SLC16A7: variants seen among roughly 807,000 people sequenced by gnomAD.
SLC16A7 encodes the protein solute carrier family 16 member 7.
In SLC16A7, 33 loss-of-function variants were observed where a neutral mutation model predicts 34.9. That is an observed-to-expected ratio of 0.94 (90% CI 0.72 to 1.26). The LOEUF is 1.26. SLC16A7 is among the 50% of genes most tolerant of loss of function. The pLI is 0.00. For missense variants in SLC16A7, 573 were observed against 578.1 expected, an observed-to-expected ratio of 0.99 and a Z score of 0.09; for synonymous variants, 201 against 206.6, an observed-to-expected ratio of 0.97 and a Z score of 0.23.
chr12:59,640,652 T>G (rs1181777514), intron 1 of SLC16A7, among the ~76,000 whole-genome samples: 3 of 152,112 alleles, frequency 2.0e-5, no homozygotes, highest in Non-Finnish European at 1.5e-5. Flanking sequence ...AGGATTTTTT[T>G]TCAATGATTT....
At chr12:59,657,168 G>A (rs1202523343) in intron 2 of SLC16A7, among the ~76,000 whole-genome samples, 1 of 151,910 alleles carries the variant, frequency 6.6e-6, no homozygotes. Context: ...AGATAGGAAA[G>A]TATCCAAAAC....
At chr12:59,668,757 G>T (rs530478848) in intron 2 of SLC16A7, among the ~76,000 whole-genome samples, 1 of 152,306 alleles carries the variant, frequency 6.6e-6, no homozygotes, top group Non-Finnish European at 1.5e-5. Context: ...GGAGTGAAAT[G>T]ATATAGTTAG....
chr12:59,748,156 G>A (rs900182809), intron 3 of SLC16A7, among the ~76,000 whole-genome samples: 6 of 152,254 alleles, frequency 3.9e-5, no homozygotes, highest in South Asian at 2.1e-4. Context: ...GTGGAGAGGC[G>A]TGGGTCAAAG....
intron 2 of SLC16A7, chr12:59,664,761 T>A (rs945722583): frequency 3.9e-5 from 6 of 152,114 alleles, no homozygotes; most frequent in African/African-American, 1.4e-4. Flanking sequence ...TCAAAGCAGG[T>A]TCTTGAAAAA....
intron 3 of SLC16A7, among the ~76,000 whole-genome samples, chr12:59,759,515 G>A (rs34659184): frequency 0.067 from 10,149 of 151,966 alleles, 484 homozygotes; most frequent in South Asian, 0.17. Flanking sequence ...TTAGAATACA[G>A]TTTTTTATTT....
chr12:59,679,440 C>G (rs1870575111), intron 2 of SLC16A7, among the ~76,000 whole-genome samples: 1 of 152,300 alleles, frequency 6.6e-6, no homozygotes, highest in South Asian at 2.1e-4. Flanking sequence ...CCAATTTCAC[C>G]CTACCTGAAC....
At chr12:59,655,319 T>C (rs1339271697) in intron 2 of SLC16A7, 69 bp downstream of exon 2, 2 of 151,884 alleles carry the variant, frequency 1.3e-5, no homozygotes, top group Non-Finnish European at 2.9e-5. Context: ...GTTTATGCAA[T>C]TGGTAAATCT....
At chr12:59,635,220 G>C (rs1170875906) in intron 1 of SLC16A7, among the ~76,000 whole-genome samples, 1 of 151,928 alleles carries the variant, frequency 6.6e-6, no homozygotes, top group Non-Finnish European at 1.5e-5. Flanking sequence ...ATCTCAGCTT[G>C]GAGTTATCAG....
At chr12:59,637,415 T>C (rs1403820043) in intron 1 of SLC16A7, among the ~76,000 whole-genome samples, 1 of 151,996 alleles carries the variant, frequency 6.6e-6, no homozygotes, top group Non-Finnish European at 1.5e-5. Flanking sequence ...TCGGTCTCGT[T>C]GAGGCTTTCC....
intron 3 of SLC16A7, among the ~76,000 whole-genome samples, chr12:59,753,702 C>G (rs1474312035): frequency 1.3e-5 from 2 of 152,070 alleles, no homozygotes; most frequent in East Asian, 3.9e-4. Context: ...ATCAACGAGA[C>G]AGAAAGTTAA....
At chr12:59,758,679 G>T (rs1048599216) in intron 3 of SLC16A7, among the ~76,000 whole-genome samples, 1 of 152,074 alleles carries the variant, frequency 6.6e-6, no homozygotes, top group Non-Finnish European at 1.5e-5. Context: ...GTAAACCACT[G>T]TCTCATATGA....
chr12:59,647,852 G>A lies in SLC16A7; in HGVS notation c.-129-7300G>A, dbSNP rs1462465174. On this transcript the variant is annotated intron_variant, in intron 1 of 5. Transcript: ENST00000547379. The stretch of plus-strand genomic sequence containing the variant: ...GATGCCGGGAGTTTGAGATCAGCCT[G>A]GGCAACATGGTGACCACAAAACATG... Among the ~76,000 whole-genome samples the A allele has an allele frequency of 2.0e-5, 3 of 151,836 alleles. No individual in the cohort carries two copies. The East Asian group carries it at 5.8e-4, about 29-fold the overall frequency.
chr12:59,669,371 TGGG>T (rs1171972306), intron 2 of SLC16A7, among the ~76,000 whole-genome samples: 2 of 152,126 alleles, frequency 1.3e-5, no homozygotes, highest in African/African-American at 4.8e-5. Flanking sequence ...TTTTTTAAAG[TGGG>T]GTATATATAG....
intron 2 of SLC16A7, among the ~76,000 whole-genome samples, chr12:59,664,267 A>C (rs921292437): frequency 6.6e-6 from 1 of 152,108 alleles, no homozygotes; most frequent in Non-Finnish European, 1.5e-5. Flanking sequence ...ACACCACTGC[A>C]TTTTTCCAAA....
In SLC16A7 at chr12:59,774,907, T is replaced by G; in HGVS notation, c.612T>G (p.Thr204=). ...LMRPLGPNQT[T]SKSKNKTGKT... The stretch of plus-strand genomic sequence containing the variant: ...GACCCCTTGGACCCAATCAAACCAC[T>G]TCTAAGTCTAAAAATAAGACTGGCA... The change falls in exon 5 of 6, where the codon ACT becomes ACG. Residue 204 remains threonine, a synonymous_variant. Transcript: ENST00000547379. 6.2e-7 allele frequency: 1 copy of G among 1,613,960 alleles called. No individual in the cohort carries two copies. The highest frequency in any genetic ancestry group is 2.2e-5 in the East Asian group (1 of 44,856).
chr12:59,705,987 T>C (rs1473103538), intron 3 of SLC16A7, among the ~76,000 whole-genome samples: 1 of 152,162 alleles, frequency 6.6e-6, no homozygotes. Flanking sequence ...GTACTTAATA[T>C]GTGTGATATG....
At chr12:59,773,173 G>A (rs1307899672) in intron 4 of SLC16A7, among the ~76,000 whole-genome samples, 1 of 151,566 alleles carries the variant, frequency 6.6e-6, no homozygotes, top group Non-Finnish European at 1.5e-5. Context: ...CTACTTACAA[G>A]CTACTTGACC....
chr12:59,612,246 C>T (rs1879231194), intron 1 of SLC16A7, among the ~76,000 whole-genome samples: 1 of 152,258 alleles, frequency 6.6e-6, no homozygotes, highest in Non-Finnish European at 1.5e-5. Flanking sequence ...CAATTCTTGA[C>T]TTCTGTGCAG....
At chr12:59,688,590 T>C (rs902072665) in intron 2 of SLC16A7, among the ~76,000 whole-genome samples, 4 of 152,088 alleles carry the variant, frequency 2.6e-5, no homozygotes, top group African/African-American at 4.8e-5. Flanking sequence ...AGCAATGTTT[T>C]ATATATATGC....
Sources: allele counts gnomAD v4.1 joint callset (sites outside exome capture counted in the v4.1 genomes callset), GRCh38; gene constraint gnomAD v4.1.1; transcripts MANE v1.5; gene names NCBI Gene and HGNC (gene_info 2026-07-23, HGNC 2026-07-21).